ZNF804B: variants seen among roughly 807,000 people sequenced by gnomAD.
The protein encoded by ZNF804B is zinc finger 804B.
Under a neutral mutation model 101.4 loss-of-function variants are expected in ZNF804B, and 80 were observed. That is an observed-to-expected ratio of 0.79 (90% CI 0.66 to 0.95). The LOEUF (loss-of-function observed/expected upper bound fraction) is 0.95. Among genes scored for constraint, ZNF804B ranks in the 40% least tolerant of loss-of-function variants. ZNF804B has a pLI of 0.00. For synonymous variants in ZNF804B, 622 were observed against 558.8 expected (o/e 1.11, Z -1.59); for missense variants, 1,673 against 1,561.9 (o/e 1.07, Z -1.20).
At chr7:88,792,345 A>G (rs762891754) in intron 1 of ZNF804B, among the ~76,000 whole-genome samples, 1 of 152,158 alleles carries the variant, frequency 6.6e-6, no homozygotes, top group South Asian at 2.1e-4. Flanking sequence ...ATTTATAAAT[A>G]TATAATTTTT....
intron 2 of ZNF804B, among the ~76,000 whole-genome samples, chr7:89,224,755 A>T (rs1544575): frequency 0.027 from 3,877 of 142,580 alleles, 171 homozygotes; most frequent in African/African-American, 0.095. Context: ...TGTGTGTATG[A>T]GTGTGTGTGT....
intron 1 of ZNF804B, among the ~76,000 whole-genome samples, chr7:88,866,695 C>A (rs1311399293): frequency 1.3e-5 from 2 of 152,164 alleles, no homozygotes; most frequent in East Asian, 3.8e-4. Context: ...TGGAACAGAA[C>A]AACCTCTCAG....
At chr7:88,959,532 C>T (rs546537793) in intron 1 of ZNF804B, among the ~76,000 whole-genome samples, 54 of 151,250 alleles carry the variant, frequency 3.6e-4, no homozygotes, top group African/African-American at 1.2e-3. Flanking sequence ...AACCTTTATT[C>T]TACTTTCTTG....
chr7:89,316,504 A>C (rs545905674), intron 2 of ZNF804B, among the ~76,000 whole-genome samples: 1 of 152,212 alleles, frequency 6.6e-6, no homozygotes, highest in Non-Finnish European at 1.5e-5. Context: ...GGAGATTGCA[A>C]AAATAAAGGG....
intron 1 of ZNF804B, among the ~76,000 whole-genome samples, chr7:88,788,012 T>G (rs1331522161): frequency 6.6e-6 from 1 of 152,116 alleles, no homozygotes; most frequent in Non-Finnish European, 1.5e-5. Flanking sequence ...AATTTTTGAA[T>G]TTCTGACTTA....
At chr7:89,144,736 T>C (rs1790767331) in intron 1 of ZNF804B, among the ~76,000 whole-genome samples, 2 of 152,106 alleles carry the variant, frequency 1.3e-5, no homozygotes, top group Admixed American at 1.3e-4. Flanking sequence ...TTAATGAATT[T>C]GTTAATTAGC....
At chr7:88,785,696 C>T (rs932853746) in intron 1 of ZNF804B, among the ~76,000 whole-genome samples, 9 of 152,108 alleles carry the variant, frequency 5.9e-5, no homozygotes, top group Admixed American at 5.9e-4. Flanking sequence ...TGTAGAAATT[C>T]TTTCAGTTCT....
chr7:89,231,773 CTATTTTA>C (rs1232689225), intron 2 of ZNF804B, among the ~76,000 whole-genome samples: 2 of 151,938 alleles, frequency 1.3e-5, no homozygotes, highest in East Asian at 3.8e-4. Flanking sequence ...ATTAATATTA[CTATTTTA>C]TATCGATCCT....
intron 1 of ZNF804B, among the ~76,000 whole-genome samples, chr7:88,948,306 A>ATTTTTTTTT (rs68069374): frequency 1.1e-5 from 1 of 92,718 alleles, no homozygotes; most frequent in East Asian, 2.9e-4. Flanking sequence ...CCACCCATCC[A>ATTTTTTTTT]TTTTTTTTTT....
At chr7:89,163,595 T>C (rs2116423294) in intron 1 of ZNF804B, among the ~76,000 whole-genome samples, 1 of 152,252 alleles carries the variant, frequency 6.6e-6, no homozygotes, top group East Asian at 1.9e-4. Context: ...TTGATTTCTA[T>C]CACTTCTGGG....
intron 1 of ZNF804B, among the ~76,000 whole-genome samples, chr7:88,837,980 G>A (rs1214879122): frequency 6.6e-6 from 1 of 151,336 alleles, no homozygotes; most frequent in Non-Finnish European, 1.5e-5. Context: ...AAATTAATAA[G>A]TATTTTAATT....
chr7:88,942,245 A>G (rs1793064818), intron 1 of ZNF804B, among the ~76,000 whole-genome samples: 1 of 152,006 alleles, frequency 6.6e-6, no homozygotes, highest in East Asian at 1.9e-4. Context: ...CCTCCTCATT[A>G]GACTACATTC....
At chr7:88,933,007 G>C (rs549856137) in intron 1 of ZNF804B, among the ~76,000 whole-genome samples, 1 of 151,630 alleles carries the variant, frequency 6.6e-6, no homozygotes, top group South Asian at 2.1e-4. Flanking sequence ...AAAAATTACA[G>C]ACCAATATCC....
chr7:89,259,504 A>G (rs1229310332), intron 2 of ZNF804B, among the ~76,000 whole-genome samples: 1 of 152,162 alleles, frequency 6.6e-6, no homozygotes, highest in Non-Finnish European at 1.5e-5. Flanking sequence ...CAATGGTATA[A>G]TCCTTCCAGA....
chr7:89,210,274 A>G (rs1285301456), intron 1 of ZNF804B, among the ~76,000 whole-genome samples: 2 of 152,200 alleles, frequency 1.3e-5, no homozygotes, highest in African/African-American at 2.4e-5. Context: ...AAAGTAAAAA[A>G]AACAGAGATT....
intron 1 of ZNF804B, among the ~76,000 whole-genome samples, chr7:89,166,670 C>T (rs140305345): frequency 4.0e-4 from 61 of 152,116 alleles, no homozygotes; most frequent in African/African-American, 1.4e-3. Context: ...TATGTAAGTC[C>T]CATAGCGTTA....
chr7:88,985,533 C>G (rs575275661), intron 1 of ZNF804B, among the ~76,000 whole-genome samples: 1 of 152,104 alleles, frequency 6.6e-6, no homozygotes, highest in East Asian at 1.9e-4. Flanking sequence ...CTTTGTGCGG[C>G]CTCTGTTCAC....
chr7:88,773,142 C>T (rs1478080120), intron 1 of ZNF804B, among the ~76,000 whole-genome samples: 4 of 152,172 alleles, frequency 2.6e-5, no homozygotes, highest in African/African-American at 9.7e-5. Context: ...TAGTTTCATT[C>T]TGTTTGCAGT....
At position 89,156,581 on chromosome 7, in the gene ZNF804B, T is replaced by C. The variant is rs1043005530; in HGVS notation, c.109-61574T>C. 4.6e-5 allele frequency among the ~76,000 whole-genome samples: 7 copies of C among 152,160 alleles called. No individual in the cohort carries two copies. The South Asian group carries it at 6.2e-4, about 13-fold the overall frequency. On this transcript the variant is annotated intron_variant, in intron 1 of 3. Transcript: ENST00000333190. ...CTGGGAGTGTAAAATGAGATAAGTA[T>C]GTGAAAATGCCAGGAACATAGCAGG...
Sources: gnomAD v4.1 joint callset for allele counts (sites outside exome capture counted in the v4.1 genomes callset) on GRCh38, gnomAD v4.1.1 for gene constraint, MANE v1.5 for transcripts, NCBI Gene and HGNC (gene_info 2026-07-23, HGNC 2026-07-21) for gene names.